Variants in SEC14L3 observed in about 807,000 individuals in gnomAD.
SEC14L3 encodes SEC14-like protein 3.
In SEC14L3, 56 loss-of-function variants were observed where a neutral mutation model predicts 57.4. The observed-to-expected ratio is 0.97, with a 90% confidence interval of 0.79 to 1.22. The LOEUF (loss-of-function observed/expected upper bound fraction) is 1.22. Ranked by LOEUF, SEC14L3 falls within the 50% of genes most tolerant of loss-of-function variation. The probability of loss-of-function intolerance (pLI) is 0.00; values close to 1 mark genes in which losing one functional copy is unlikely to be tolerated. For missense variants in SEC14L3, 485 were observed against 511.7 expected (o/e 0.95, Z 0.50); for synonymous variants, 173 against 194.4 (o/e 0.89, Z 0.92).
chr22:30,454,547 A>ATATATAATCTATAATATTATC (rs1380540408), downstream of SEC14L3, among the ~76,000 whole-genome samples: 2 of 81,724 alleles, frequency 2.4e-5, no homozygotes, highest in African/African-American at 1.1e-4. Context: ...ATAATATTAT[A>ATATATAATCTATAATATTATC]TATAATCTAT....
downstream of SEC14L3, among the ~76,000 whole-genome samples, chr22:30,455,303 C>T (rs1468276394): frequency 7.0e-6 from 1 of 142,672 alleles, no homozygotes; most frequent in Admixed American, 7.6e-5. Context: ...GGCTGGAGTG[C>T]AGTGATGTGA....
At chr22:30,469,319 A>G (rs1021216354) in intron 4 of SEC14L3, among the ~76,000 whole-genome samples, 1 of 15,534 alleles carries the variant, frequency 6.4e-5, no homozygotes, top group Admixed American at 4.3e-4. Flanking sequence ...CAAAAAAAAA[A>G]AAAAAAAGCA....
At chr22:30,464,488 T>C (rs998348869) in intron 8 of SEC14L3, among the ~76,000 whole-genome samples, 5 of 152,304 alleles carry the variant, frequency 3.3e-5, no homozygotes, top group African/African-American at 1.2e-4. Flanking sequence ...TGGAGTGCAG[T>C]GGTGTGAACA....
Position 30,459,467 on chromosome 22 carries a change from G to C in SEC14L3, c.*554C>G, listed in dbSNP as rs1410550385. 2.0e-6 allele frequency: 2 copies of C among 985,430 alleles called. No homozygotes were observed. The highest frequency in any genetic ancestry group is 2.4e-6 in the Non-Finnish European group (2 of 830,010). The allele number at this position is 985,430 out of a possible 1,614,324, so 61.0% of individuals were successfully genotyped here. ...GGAGACTGAATTGTCTGGGTCTCCA[G>C]AAGAGAGTCCAACCCCACCACACAT... On this transcript the variant is annotated 3_prime_UTR_variant, in exon 12 of 12. Coordinates refer to ENST00000215812, the MANE Select transcript of SEC14L3 (RefSeq NM_174975.5).
At chr22:30,456,777 G>T (rs1040659752), downstream of SEC14L3, among the ~76,000 whole-genome samples, 3 of 152,208 alleles carry the variant, frequency 2.0e-5, no homozygotes, top group African/African-American at 7.2e-5. Flanking sequence ...GCCTCCTGGA[G>T]ATTCAGGACT....
chr22:30,459,403 T>A lies in SEC14L3; in HGVS notation c.*618A>T, dbSNP rs1339131849. Reference sequence around the variant, plus strand: ...TCCTATCAGAGGCATGTGGCCTTTGTGGCTGGGGCCCTCAAAAGACAGCCA... The same window carrying A: ...TCCTATCAGAGGCATGTGGCCTTTGAGGCTGGGGCCCTCAAAAGACAGCCA... On this transcript the variant is annotated 3_prime_UTR_variant, in exon 12 of 12. Coordinates refer to ENST00000215812, the MANE Select transcript of SEC14L3 (RefSeq NM_174975.5). 1.2e-5 allele frequency: 12 copies of A among 985,308 alleles called. No individual in the cohort carries two copies. In the South Asian group the frequency reaches 5.2e-4, roughly 42 times the overall value. 61.0% of individuals were successfully genotyped at this position (985,308 alleles called of 1,614,324 possible).
At chr22:30,470,190 T>C in intron 3 of SEC14L3, 22 bp downstream of exon 3, 1 of 1,614,080 alleles carries the variant, frequency 6.2e-7, no homozygotes, top group Non-Finnish European at 8.5e-7. Flanking sequence ...CTCCATAAAT[T>C]TCCAGAGTGG....
rs34799395 is a variant in SEC14L3 at position 30,451,991 on chromosome 22, C to CAAAAAA, written c.905-2753_905-2748dup. Among the ~76,000 whole-genome samples the CAAAAAA allele has an allele frequency of 4.9e-3, 161 of 33,180 alleles. 2 individuals are homozygous for CAAAAAA. The highest frequency in any genetic ancestry group is 8.6e-3 in the African/African-American group (56 of 6,504). The allele number at this position is 33,180 out of a possible 152,430, so 21.8% of individuals were successfully genotyped here. A position where few individuals can be genotyped will look rare whatever the true frequency, so the allele number is the denominator to read the frequency against. ...TGGGCAAGAGAGTAAGACTCCATCT[C>CAAAAAA]AAAAAAAAAAAAAAAAAAGAAAAAA... is the stretch of plus-strand genomic sequence containing the variant. On this transcript the variant is annotated intron_variant, in intron 12 of 12. Transcript: ENST00000403066.
intron 5 of SEC14L3, among the ~76,000 whole-genome samples, chr22:30,467,971 A>C (rs545688374): frequency 6.6e-6 from 1 of 152,296 alleles, no homozygotes; most frequent in South Asian, 2.1e-4. Context: ...CAAAGCAAAA[A>C]AACCCATCAA....
chr22:30,449,620 A>C (rs1934943435), intron 12 of SEC14L3, among the ~76,000 whole-genome samples: 1 of 147,226 alleles, frequency 6.8e-6, no homozygotes, highest in Non-Finnish European at 1.5e-5. Context: ...GCTGGAGTGC[A>C]GTGGCGCGAT....
chr22:30,460,353 A>G, intron 11 of SEC14L3: 20 of 836,938 alleles, frequency 2.4e-5, no homozygotes, highest in Non-Finnish European at 2.9e-5. Context: ...GCATGTGCCC[A>G]GGCATGGCTT....
chr22:30,454,887 AT>A (rs1935073050), downstream of SEC14L3, among the ~76,000 whole-genome samples: 1 of 21,292 alleles, frequency 4.7e-5, no homozygotes, highest in African/African-American at 2.3e-4. Flanking sequence ...ATTATTATAT[AT>A]TATATAATAG....
intron 5 of SEC14L3, among the ~76,000 whole-genome samples, chr22:30,468,075 T>G (rs1935478320): frequency 6.6e-6 from 1 of 151,856 alleles, no homozygotes; most frequent in Admixed American, 6.6e-5. Flanking sequence ...GGTCAGGAGA[T>G]CGAGACCATC....
At chr22:30,452,497 G>T (rs1223334544) in intron 12 of SEC14L3, among the ~76,000 whole-genome samples, 10 of 151,878 alleles carry the variant, frequency 6.6e-5, no homozygotes, top group Non-Finnish European at 1.0e-4. Flanking sequence ...ACCCGCCTCA[G>T]CCTCCCAAAG....
intron 8 of SEC14L3, among the ~76,000 whole-genome samples, chr22:30,463,863 G>T (rs1348952574): frequency 1.3e-5 from 2 of 151,994 alleles, no homozygotes; most frequent in African/African-American, 4.8e-5. Context: ...GACAATACAG[G>T]TAATAAAATT....
chr22:30,460,098 T>G lies in SEC14L3; in HGVS notation c.1126A>C (p.Lys376Gln), dbSNP rs1420644810. ...DNTYSFVHAK[K>Q]VSFTVEVLLP... ...AGGACCTCCACTGTGAAGCTGACCT[T>G]CTTGGCGTGGACAAAGCTATAGGTG... Residue 376 changes from lysine to glutamine, a missense_variant, in exon 12 of 12, where the codon AAG (lysine) becomes CAG (glutamine). Lys to Gln is a moderately conservative substitution (Grantham distance 53, BLOSUM62 1). Coordinates refer to ENST00000215812, the MANE Select transcript of SEC14L3 (RefSeq NM_174975.5). 2 of 1,614,120 alleles carry G rather than the reference T, an allele frequency of 1.2e-6. No individual in the cohort carries two copies. The highest frequency in any genetic ancestry group is 1.7e-5 in the Admixed American group (1 of 60,022).
downstream of SEC14L3, among the ~76,000 whole-genome samples, chr22:30,455,172 T>TTATATTTAATATTTAA (rs1935096299): frequency 8.6e-6 from 1 of 116,140 alleles, no homozygotes; most frequent in Non-Finnish European, 1.6e-5. Context: ...ATTTAATATA[T>TTATATTTAATATTTAA]TATATTTAAT....
Position 30,466,984 on chromosome 22 carries a change from C to T in SEC14L3, c.517G>A (p.Glu173Lys), listed in dbSNP as rs1046178443. 2 of 1,613,564 alleles carry T rather than the reference C, an allele frequency of 1.2e-6. No individual in the cohort carries two copies. The highest frequency in any genetic ancestry group is 1.7e-6 in the Non-Finnish European group (2 of 1,179,862). ...FWKPLVEVYQ[E>K]FFGLLEENYP... ...GTGGCCCTAGGACTTCTCCTTACCT[C>T]CTGGTACACTTCTACCAGAGGTTTC... The change falls in exon 6 of 12, where the codon GAG (glutamate) becomes AAG (lysine). Residue 173 changes from glutamate to lysine, a missense_variant and splice_region_variant. Glu to Lys is a moderately conservative substitution (Grantham distance 56). Transcript: ENST00000215812.
chr22:30,459,304 C>T lies in SEC14L3; in HGVS notation c.*717G>A, dbSNP rs555220592. 86 of 985,388 alleles carry T rather than the reference C, an allele frequency of 8.7e-5. No individual in the cohort carries two copies. The African/African-American group carries it at 1.3e-3, about 15-fold the overall frequency. The allele number at this position is 985,388 out of a possible 1,614,324, so 61.0% of individuals were successfully genotyped here. On this transcript the variant is annotated 3_prime_UTR_variant, in exon 12 of 12. Coordinates refer to ENST00000215812, the MANE Select transcript of SEC14L3 (RefSeq NM_174975.5). ...TCCAGGAAAGTCCCTAAAACATAAG[C>T]TATGTGCAACAAGGGAAGTGGGTTA...
Sources: allele counts gnomAD v4.1 joint callset (sites outside exome capture counted in the v4.1 genomes callset), GRCh38; gene constraint gnomAD v4.1.1; transcripts MANE v1.5; gene names NCBI Gene and HGNC (gene_info 2026-07-23, HGNC 2026-07-21).